Variants in ASPA observed in about 807,000 individuals in gnomAD.
ASPA encodes the protein ACY-2.
Under a neutral mutation model 29.6 loss-of-function variants are expected in ASPA, and 25 were observed. The ratio of observed to expected loss-of-function variants is 0.85; its 90% CI spans 0.62 to 1.18. The LOEUF is 1.18. Ranked by LOEUF, ASPA falls within the 50% of genes most tolerant of loss-of-function variation. The pLI, the probability that ASPA is intolerant of heterozygous loss-of-function variation, is 0.00. For synonymous variants in ASPA, 131 were observed against 130.3 expected (o/e 1.01, Z -0.04); for missense variants, 333 against 385.7 (o/e 0.86, Z 1.14).
intron 4 of ASPA, 152 bp from the exon 5 acceptor site, chr17:3,494,198 T>C: frequency 1.6e-6 from 1 of 635,192 alleles, no homozygotes; most frequent in Non-Finnish European, 3.0e-6. Context: ...GGAGATGGGG[T>C]TCACCATGTT....
At chr17:3,481,858 T>C (rs2073637194) in intron 2 of ASPA, 60 bp downstream of exon 2, 4 of 1,405,538 alleles carry the variant, frequency 2.8e-6, no homozygotes, top group Non-Finnish European at 2.0e-6. Flanking sequence ...AAGTCAATTA[T>C]GGATGTGAGA....
In ASPA at chr17:3,502,451, T is replaced by A. The variant is rs539493936; in HGVS notation, c.*3363T>A. The A allele has an allele frequency of 6.6e-6, 1 of 152,340 alleles. No homozygotes were observed. Among genetic ancestry groups the A allele is most frequent in the East Asian group, 1.9e-4 (1 of 5,192 alleles). 9.4% of individuals were successfully genotyped at this position (152,340 alleles called of 1,614,324 possible). The stretch of plus-strand genomic sequence containing the variant: ...GTAGAAATGAGTTGTGCAGAATTGC[T>A]ATTTTTTTCAATTTTTATATTTGGG... On this transcript the variant is annotated 3_prime_UTR_variant, in exon 6 of 6. Coordinates refer to ENST00000263080, the MANE Select transcript of ASPA (RefSeq NM_000049.4).
chr17:3,498,465 A>G (rs2073944674), intron 5 of ASPA, among the ~76,000 whole-genome samples: 1 of 152,006 alleles, frequency 6.6e-6, no homozygotes, highest in Non-Finnish European at 1.5e-5. Context: ...CTCCCACCTC[A>G]GCCTCCTGAG....
In ASPA at chr17:3,495,608, G is replaced by A. The variant is rs567269414; in HGVS notation, c.744+1149G>A. Among the ~76,000 whole-genome samples the A allele has an allele frequency of 4.6e-5, 7 of 152,202 alleles. No individual in the cohort carries two copies. In the South Asian group the frequency reaches 6.2e-4, roughly 14 times the overall value. On this transcript the variant is annotated intron_variant, in intron 5 of 5. Transcript: ENST00000263080. Reference sequence around the variant, plus strand: ...TTTTGAGATGGAGTCTCGCTCTGTCGCCCAGGCTGGAGTGCAGTGGTGCAA... The same window carrying A: ...TTTTGAGATGGAGTCTCGCTCTGTCACCCAGGCTGGAGTGCAGTGGTGCAA...
At chr17:3,489,833 A>G (rs1488502489) in intron 4 of ASPA, among the ~76,000 whole-genome samples, 1 of 152,186 alleles carries the variant, frequency 6.6e-6, no homozygotes, top group Non-Finnish European at 1.5e-5. Context: ...AAAACACACC[A>G]ATCTTATTAC....
intron 4 of ASPA, among the ~76,000 whole-genome samples, chr17:3,493,562 A>C (rs1442775585): frequency 4.9e-5 from 7 of 143,082 alleles, no homozygotes; most frequent in African/African-American, 1.9e-4. Flanking sequence ...TTCCATCTCA[A>C]AAAAAAAAAA....
In ASPA at chr17:3,476,408, T is replaced by C; in HGVS notation, c.236+13T>C. 6.2e-7 allele frequency: 1 copy of C among 1,609,358 alleles called. No homozygotes were observed. The highest frequency in any genetic ancestry group is 2.2e-5 in the East Asian group (1 of 44,838). ...TTGAAAATCTTGGGTAAGACTATGCTTTGTATTGTATATGTATGTATGTTG... is the reference window on the plus strand; with the variant it reads ...TTGAAAATCTTGGGTAAGACTATGCCTTGTATTGTATATGTATGTATGTTG... On this transcript the variant is annotated intron_variant, in intron 1 of 5. Coordinates refer to ENST00000263080, the MANE Select transcript of ASPA (RefSeq NM_000049.4).
chr17:3,498,250 A>C (rs2073940318), intron 5 of ASPA, among the ~76,000 whole-genome samples: 2 of 152,260 alleles, frequency 1.3e-5, no homozygotes, highest in South Asian at 4.1e-4. Context: ...GGCAACAGGC[A>C]GACTATGCAC....
intron 4 of ASPA, among the ~76,000 whole-genome samples, chr17:3,491,276 T>C (rs1398125897): frequency 6.6e-6 from 1 of 152,184 alleles, no homozygotes; most frequent in Non-Finnish European, 1.5e-5. Context: ...GTTTTGTTCT[T>C]ATGTTTAAAA....
At chr17:3,475,836 T>C (rs986222350), upstream of ASPA, among the ~76,000 whole-genome samples, 6 of 152,256 alleles carry the variant, frequency 3.9e-5, no homozygotes, top group Non-Finnish European at 8.8e-5. Context: ...ATTTTTGTAT[T>C]AGTATGAAAT....
rs376854191 is a variant in ASPA, at chr17:3,499,074, T to G, written c.928T>G (p.Cys310Gly). Reference sequence around the variant, plus strand: ...AACGCTCAATGCAAAAAGTATTCGCTGCTGTTTACATTAGAAATCACTTCC... The same window carrying G: ...AACGCTCAATGCAAAAAGTATTCGCGGCTGTTTACATTAGAAATCACTTCC... The part of the protein sequence containing the change: ...KLTLNAKSIR[C>G]CLH Residue 310 changes from cysteine to glycine, a missense_variant, in exon 6 of 6, where the codon TGC becomes GGC. Cys to Gly is a radical substitution (Grantham distance 159). Coordinates refer to ENST00000263080, the MANE Select transcript of ASPA (RefSeq NM_000049.4). The G allele has an allele frequency of 1.7e-5, 28 of 1,614,044 alleles. No homozygotes were observed. Among genetic ancestry groups the G allele is most frequent in the Middle Eastern group, 3.3e-4 (2 of 6,062 alleles).
intron 1 of ASPA, among the ~76,000 whole-genome samples, chr17:3,478,018 T>TA (rs963343524): frequency 3.8e-4 from 57 of 150,918 alleles, no homozygotes; most frequent in African/African-American, 9.9e-4. Flanking sequence ...CCGTCTCTAC[T>TA]AAAAAAAATA....
At chr17:3,495,382 A>C (rs1047756524) in intron 5 of ASPA, among the ~76,000 whole-genome samples, 12 of 152,256 alleles carry the variant, frequency 7.9e-5, no homozygotes, top group East Asian at 5.8e-4. Context: ...GGATTGAAAA[A>C]CACTGATTGA....
intron 1 of ASPA, among the ~76,000 whole-genome samples, chr17:3,477,888 A>T (rs1010276237): frequency 2.0e-5 from 3 of 152,070 alleles, no homozygotes; most frequent in Non-Finnish European, 4.4e-5. Context: ...ACTAGCTAAG[A>T]TATAAGATAC....
intron 5 of ASPA, among the ~76,000 whole-genome samples, chr17:3,497,652 C>T (rs535723580): frequency 1.3e-5 from 2 of 152,288 alleles, no homozygotes; most frequent in African/African-American, 4.8e-5. Context: ...AATGTGCCAC[C>T]AGGATGGAGA....
In ASPA at chr17:3,485,963, G is replaced by A. The variant is rs1379113093; in HGVS notation, c.526+2371G>A. ...TTTTTTTTTTTTGAGACGGAGTTTC[G>A]CTCTTGTTGCCAAGGCTGGAGTACA... is the stretch of plus-strand genomic sequence containing the variant. On this transcript the variant is annotated intron_variant, in intron 3 of 5. Transcript: ENST00000263080. This position sits in a 1 kb window ranked among gnomAD's most constrained non-coding sequence, Gnocchi z 4.4. Among the ~76,000 whole-genome samples the A allele has an allele frequency of 7.2e-6, 1 of 139,656 alleles. No individual in the cohort carries two copies. Among genetic ancestry groups the A allele is most frequent in the Non-Finnish European group, 1.5e-5 (1 of 66,242 alleles). The allele number at this position is 139,656 out of a possible 152,430, so 91.6% of individuals were successfully genotyped here. A position where few individuals can be genotyped will look rare whatever the true frequency, so the allele number is the denominator to read the frequency against.
chr17:3,478,795 C>A (rs906446533), intron 1 of ASPA, among the ~76,000 whole-genome samples: 1 of 152,114 alleles, frequency 6.6e-6, no homozygotes, highest in Admixed American at 6.6e-5. Flanking sequence ...TTCCTATATT[C>A]CTCATCTCAG....
intron 5 of ASPA, among the ~76,000 whole-genome samples, chr17:3,496,121 T>C (rs1361351107): frequency 6.6e-6 from 1 of 152,052 alleles, no homozygotes; most frequent in Admixed American, 6.6e-5. Context: ...AGGATGGTTT[T>C]GATTTGACAG....
At chr17:3,493,072 G>A (rs572335016) in intron 4 of ASPA, among the ~76,000 whole-genome samples, 1 of 152,284 alleles carries the variant, frequency 6.6e-6, no homozygotes, top group South Asian at 2.1e-4. Context: ...AACACGCTGT[G>A]GGCCCTACAT....
Sources: allele counts gnomAD v4.1 joint callset (sites outside exome capture counted in the v4.1 genomes callset), GRCh38; gene constraint gnomAD v4.1.1; non-coding constraint Gnocchi (gnomAD v3.1); transcripts MANE v1.5; gene names NCBI Gene and HGNC (gene_info 2026-07-23, HGNC 2026-07-21).